Variants in HS3ST3A1 observed in about 807,000 individuals in gnomAD.
The protein encoded by HS3ST3A1 is heparan sulfate glucosamine 3-O-sulfotransferase 3A1.
In HS3ST3A1, 19 loss-of-function variants were observed where a neutral mutation model predicts 25.7. That is an observed-to-expected ratio of 0.74 (90% confidence interval 0.52 to 1.08). HS3ST3A1 has a LOEUF of 1.08. Ranked by LOEUF, HS3ST3A1 falls within the 50% of genes least tolerant of loss-of-function variation. The pLI is 0.00. For synonymous variants in HS3ST3A1, 226 were observed against 278.6 expected (o/e 0.81, Z 1.88); for missense variants, 459 against 594.3 (o/e 0.77, Z 2.37).
intron 1 of HS3ST3A1, among the ~76,000 whole-genome samples, chr17:13,595,736 A>C (rs1908556361): frequency 6.6e-6 from 1 of 152,194 alleles, no homozygotes; most frequent in Admixed American, 6.5e-5. Flanking sequence ...TTTCCCCCTA[A>C]GGAAACGAGC....
chr17:13,515,052 A>T (rs1405559584), intron 1 of HS3ST3A1, among the ~76,000 whole-genome samples: 1 of 152,212 alleles, frequency 6.6e-6, no homozygotes, highest in Admixed American at 6.5e-5. Context: ...GGGAAAGGGG[A>T]TTTAATTAAA....
At chr17:13,581,466 CA>C (rs71144975) in intron 1 of HS3ST3A1, among the ~76,000 whole-genome samples, 53,343 of 121,796 alleles carry the variant, frequency 0.44, 10,366 homozygotes, top group Admixed American at 0.55. Flanking sequence ...GACTCTATCT[CA>C]AAAAAAAAAA....
chr17:13,501,479 T>C (rs951622123), intron 1 of HS3ST3A1, among the ~76,000 whole-genome samples: 1 of 151,902 alleles, frequency 6.6e-6, no homozygotes, highest in Non-Finnish European at 1.5e-5. Context: ...AATTAAACAT[T>C]ACAAGGTACT....
chr17:13,600,893 C>A lies in HS3ST3A1; in HGVS notation c.237G>T (p.Ala79=). The A allele has an allele frequency of 1.3e-6, 2 of 1,502,258 alleles. No individual in the cohort carries two copies. The highest frequency in any genetic ancestry group is 1.5e-5 in the African/African-American group (1 of 68,426). The allele number at this position is 1,502,258 out of a possible 1,614,324, so 93.1% of individuals were successfully genotyped here. A position where few individuals can be genotyped will look rare whatever the true frequency, so the allele number is the denominator to read the frequency against. ...GVLAGGPREL[A]VWPAAAQRKR... ...TTCTCTGTGCCGCCGCCGGCCACAC[C>A]GCCAGCTCCCTCGGGCCTCCGGCCA... The change falls in exon 1 of 2, where the codon GCG becomes GCT. Residue 79 remains alanine (A), a synonymous_variant. Transcript: ENST00000284110.
At chr17:13,513,262 G>A (rs1905937535) in intron 1 of HS3ST3A1, among the ~76,000 whole-genome samples, 1 of 152,220 alleles carries the variant, frequency 6.6e-6, no homozygotes, top group Non-Finnish European at 1.5e-5. Flanking sequence ...CAGAAATGCT[G>A]CAGACGCCTC....
chr17:13,593,535 G>A (rs1463473790), intron 1 of HS3ST3A1, among the ~76,000 whole-genome samples: 1 of 152,182 alleles, frequency 6.6e-6, no homozygotes, highest in African/African-American at 2.4e-5. Flanking sequence ...ATGTCTGGAA[G>A]CAACAGGTGC....
chr17:13,512,854 C>G (rs1212802339), intron 1 of HS3ST3A1, among the ~76,000 whole-genome samples: 3 of 152,088 alleles, frequency 2.0e-5, no homozygotes, highest in African/African-American at 7.2e-5. Flanking sequence ...GGCCCATCAA[C>G]AGAATGCCCA....
intron 1 of HS3ST3A1, among the ~76,000 whole-genome samples, chr17:13,596,978 G>C (rs1461484362): frequency 6.6e-6 from 1 of 152,130 alleles, no homozygotes; most frequent in Non-Finnish European, 1.5e-5. Context: ...AGTCAGGGGA[G>C]CACTAGCTCC....
intron 1 of HS3ST3A1, among the ~76,000 whole-genome samples, chr17:13,518,554 T>G (rs979696030): frequency 2.6e-5 from 4 of 152,188 alleles, no homozygotes; most frequent in Non-Finnish European, 4.4e-5. Flanking sequence ...GACTTTCTAG[T>G]TTTTTCATCA....
chr17:13,567,028 G>A (rs767868459), intron 1 of HS3ST3A1, among the ~76,000 whole-genome samples: 6 of 152,336 alleles, frequency 3.9e-5, no homozygotes, highest in Non-Finnish European at 7.3e-5. Flanking sequence ...GAATTTCATA[G>A]CTACAGAGAA....
At chr17:13,530,134 T>C (rs1036947656) in intron 1 of HS3ST3A1, among the ~76,000 whole-genome samples, 1 of 152,096 alleles carries the variant, frequency 6.6e-6, no homozygotes, top group African/African-American at 2.4e-5. Context: ...TTCCTTTGAA[T>C]AGATGCAATA....
intron 1 of HS3ST3A1, among the ~76,000 whole-genome samples, chr17:13,511,819 C>T (rs1452334438): frequency 2.0e-5 from 3 of 151,758 alleles, no homozygotes; most frequent in African/African-American, 4.8e-5. Flanking sequence ...TTTATTTCAA[C>T]ATTTTATATT....
intron 1 of HS3ST3A1, among the ~76,000 whole-genome samples, chr17:13,562,656 A>G (rs1011666590): frequency 1.3e-5 from 2 of 151,960 alleles, no homozygotes; most frequent in African/African-American, 4.8e-5. Flanking sequence ...AACCCTGGCC[A>G]GGCAGAGAAT....
At chr17:13,559,206 A>G (rs764565527) in intron 1 of HS3ST3A1, among the ~76,000 whole-genome samples, 1 of 152,200 alleles carries the variant, frequency 6.6e-6, no homozygotes, top group Non-Finnish European at 1.5e-5. Context: ...TAGTATTATT[A>G]TGACAACAAA....
At position 13,496,400 on chromosome 17, in the gene HS3ST3A1, G is replaced by A; in HGVS notation, c.1018C>T (p.His340Tyr). ...LGLKRIITDK[H>Y]FYFNKTKGFP... ...CCCTTGGTCTTGTTGAAGTAGAAGT[G>A]CTTGTCCGTGATGATCCTCTTGAGG... is the stretch of plus-strand genomic sequence containing the variant. Residue 340 changes from histidine to tyrosine, a missense_variant, in exon 2 of 2, where the codon CAC becomes TAC. By Grantham distance (83) the His-to-Tyr change is moderately conservative. This residue lies in a region of HS3ST3A1 where 67 missense variants were observed against 231.4 expected (regional missense o/e 0.29). Coordinates refer to ENST00000284110, the MANE Select transcript of HS3ST3A1 (RefSeq NM_006042.3). 1 of 1,374,782 alleles carries A rather than the reference G, an allele frequency of 7.3e-7. No homozygotes were observed. Among genetic ancestry groups the A allele is most frequent in the Non-Finnish European group, 1.0e-6 (1 of 992,574 alleles). The allele number at this position is 1,374,782 out of a possible 1,614,324, so 85.2% of individuals were successfully genotyped here. A position where few individuals can be genotyped will look rare whatever the true frequency, so the allele number is the denominator to read the frequency against.
chr17:13,501,631 T>C lies in HS3ST3A1; in HGVS notation c.600-4813A>G, dbSNP rs1905479624. On this transcript the variant is annotated intron_variant, in intron 1 of 1. Transcript: ENST00000284110. ...GATCACTAGATAGTAATTTAGCATC[T>C]CTATGCTCAGTTTATTCACCTTACC... Among the ~76,000 whole-genome samples, 2 of 152,076 alleles carry C rather than the reference T, an allele frequency of 1.3e-5. 1 individual carries two copies. Among genetic ancestry groups the C allele is most frequent in the Admixed American group, 1.3e-4 (2 of 15,278 alleles).
chr17:13,581,476 A>AAC (rs1192497050), intron 1 of HS3ST3A1, among the ~76,000 whole-genome samples: 2 of 152,012 alleles, frequency 1.3e-5, no homozygotes, highest in Non-Finnish European at 2.9e-5. Context: ...CAAAAAAAAA[A>AAC]AAAAAAACGT....
At chr17:13,517,447 A>G (rs1906092807) in intron 1 of HS3ST3A1, among the ~76,000 whole-genome samples, 1 of 152,154 alleles carries the variant, frequency 6.6e-6, no homozygotes, top group African/African-American at 2.4e-5. Context: ...GTTTATGTTC[A>G]CAGAAGGAGT....
At chr17:13,535,313 T>G (rs564549641) in intron 1 of HS3ST3A1, among the ~76,000 whole-genome samples, 10 of 152,282 alleles carry the variant, frequency 6.6e-5, no homozygotes, top group Non-Finnish European at 1.0e-4. Flanking sequence ...AGCCTTCTTG[T>G]GCTTAGGAAC....
Sources: gnomAD v4.1 joint callset for allele counts (sites outside exome capture counted in the v4.1 genomes callset) on GRCh38, gnomAD v4.1.1 for gene constraint, gnomAD v4.1.1 regional missense constraint, MANE v1.5 for transcripts, NCBI Gene and HGNC (gene_info 2026-07-23, HGNC 2026-07-21) for gene names.